ATOH8: variants seen among roughly 807,000 people sequenced by gnomAD.
The protein encoded by ATOH8 is atonal bHLH transcription factor 8.
In ATOH8, 9 loss-of-function variants were observed where a neutral mutation model predicts 21.2. That is an observed-to-expected ratio of 0.42 (90% CI 0.26 to 0.74). The LOEUF is 0.74. Among genes scored for constraint, ATOH8 ranks in the 30% least tolerant of loss-of-function variants. The pLI, the probability that ATOH8 is intolerant of heterozygous loss-of-function variation, is 0.24. For missense variants in ATOH8, 524 were observed against 470.9 expected (o/e 1.11, Z -1.04); for synonymous variants, 253 against 224.0 (o/e 1.13, Z -1.16).
intron 1 of ATOH8, among the ~76,000 whole-genome samples, chr2:85,759,426 C>T (rs1419005391): frequency 2.0e-5 from 3 of 152,014 alleles, no homozygotes; most frequent in African/African-American, 7.3e-5. Context: ...GTGGGATGTC[C>T]GTAGTGCTGT....
intron 1 of ATOH8, among the ~76,000 whole-genome samples, chr2:85,756,727 T>C (rs1283181536): frequency 6.6e-6 from 1 of 152,192 alleles, no homozygotes; most frequent in African/African-American, 2.4e-5. Flanking sequence ...GAAGGAGACT[T>C]GTCCAAGGTC....
In ATOH8 at chr2:85,754,070, G is replaced by T; in HGVS notation, c.-120G>T. The T allele has an allele frequency of 8.1e-7, 1 of 1,233,706 alleles. No homozygotes were observed. The highest frequency in any genetic ancestry group is 1.1e-6 in the Non-Finnish European group (1 of 946,060). The allele number at this position is 1,233,706 out of a possible 1,614,324, so 76.4% of individuals were successfully genotyped here. On this transcript the variant is annotated 5_prime_UTR_variant, in exon 1 of 3. Transcript: ENST00000306279. The stretch of plus-strand genomic sequence containing the variant: ...GCGGCGCAGCTGCCCGGGGCGAGGG[G>T]GAGAAAGGGAGAGAGGGAGGGGGAG...
chr2:85,764,708 C>T (rs1454603715), intron 2 of ATOH8, among the ~76,000 whole-genome samples: 1 of 152,132 alleles, frequency 6.6e-6, no homozygotes, highest in Non-Finnish European at 1.5e-5. Context: ...GCATACTGGG[C>T]AGGGGTATAA....
At chr2:85,776,645 A>T (rs1172779285) in intron 2 of ATOH8, among the ~76,000 whole-genome samples, 1 of 152,192 alleles carries the variant, frequency 6.6e-6, no homozygotes, top group Non-Finnish European at 1.5e-5. Flanking sequence ...CCGATTTCCC[A>T]TGCACATGGG....
rs779506133 is a variant in ATOH8, at chr2:85,754,628, G to A, written c.439G>A (p.Glu147Lys). The part of the protein sequence containing the change: ...PGGPEAQPFR[E>K]PGLRPRILLC... ...GGGCCCAGAGGCACAGCCTTTCCGG[G>A]AGCCGGGTCTGCGTCCTCGCATCTT... is the stretch of plus-strand genomic sequence containing the variant. Residue 147 changes from glutamate (E) to lysine (K), a missense_variant, in exon 1 of 3, where the codon GAG (glutamate) becomes AAG (lysine). Physicochemically the swap from Glu to Lys is moderately conservative, Grantham distance 56. Transcript: ENST00000306279. 1.3e-5 allele frequency: 20 copies of A among 1,508,588 alleles called. No homozygotes were observed. Among genetic ancestry groups the A allele is most frequent in the Non-Finnish European group, 1.7e-5 (19 of 1,134,016 alleles). The allele number at this position is 1,508,588 out of a possible 1,614,324, so 93.5% of individuals were successfully genotyped here.
At chr2:85,782,975 C>T (rs2001593) in intron 2 of ATOH8, among the ~76,000 whole-genome samples, 26,117 of 152,164 alleles carry the variant, frequency 0.17, 3,143 homozygotes, top group African/African-American at 0.34. Context: ...GGATTACAGG[C>T]GTGACGCCTG....
intron 2 of ATOH8, among the ~76,000 whole-genome samples, chr2:85,768,515 G>A (rs989475914): frequency 1.3e-5 from 2 of 152,200 alleles, no homozygotes; most frequent in African/African-American, 2.4e-5. Context: ...GTCATCGCTG[G>A]TGTGATTGGC....
In ATOH8 at chr2:85,754,446, C is replaced by T. The variant is rs1257813261; in HGVS notation, c.257C>T (p.Pro86Leu). 1.3e-6 allele frequency: 2 copies of T among 1,512,912 alleles called. No individual in the cohort carries two copies. The highest frequency in any genetic ancestry group is 1.8e-6 in the Non-Finnish European group (2 of 1,138,538). The allele number at this position is 1,512,912 out of a possible 1,614,324, so 93.7% of individuals were successfully genotyped here. A position where few individuals can be genotyped will look rare whatever the true frequency, so the allele number is the denominator to read the frequency against. ...GTCCCAGTGGCGCCGGCCGTTCCCCCAAGAGGGGGCACGGACACAGCCGGG... is the reference window on the plus strand; with the variant it reads ...GTCCCAGTGGCGCCGGCCGTTCCCCTAAGAGGGGGCACGGACACAGCCGGG... ...VPVPVAPAVPPRGGTDTAGER... is the reference protein window; with the variant it reads ...VPVPVAPAVPLRGGTDTAGER... Residue 86 changes from proline to leucine, a missense_variant, in exon 1 of 3, where the codon CCA becomes CTA. By Grantham distance (98) the Pro-to-Leu change is moderately conservative. Coordinates refer to ENST00000306279, the MANE Select transcript of ATOH8 (RefSeq NM_032827.7).
chr2:85,781,094 G>A (rs991281120), intron 2 of ATOH8: 21 of 987,844 alleles, frequency 2.1e-5, no homozygotes, highest in Non-Finnish European at 2.5e-5. Flanking sequence ...AGGCTTGAGT[G>A]TTAAAGAAAA....
At position 85,754,098 on chromosome 2, in the gene ATOH8, C is replaced by A. The variant is rs1426414104; in HGVS notation, c.-92C>A. 12 of 1,308,252 alleles carry A rather than the reference C, an allele frequency of 9.2e-6. No homozygotes were observed. The Middle Eastern group carries it at 8.3e-4, about 91-fold the overall frequency. The allele number at this position is 1,308,252 out of a possible 1,614,324, so 81.0% of individuals were successfully genotyped here. The stretch of plus-strand genomic sequence containing the variant: ...GAAAGGGAGAGAGGGAGGGGGAGGG[C>A]GGGCGAAGCGGGAGAGCCAGAGACT... On this transcript the variant is annotated 5_prime_UTR_variant, in exon 1 of 3. Transcript: ENST00000306279.
Position 85,790,279 on chromosome 2 carries a change from T to A in ATOH8, c.*3389T>A, listed in dbSNP as rs923789956. Among the ~76,000 whole-genome samples, 5 of 152,216 alleles carry A rather than the reference T, an allele frequency of 3.3e-5. No homozygotes were observed. Among genetic ancestry groups the A allele is most frequent in the Admixed American group, 3.3e-4 (5 of 15,282 alleles). On this transcript the variant is annotated 3_prime_UTR_variant, in exon 3 of 3. Transcript: ENST00000306279. ...TCTCCAGGGACCCGCAAGATCTTCCTGGGTATGTCTGCATGAAGCCCCACG... is the reference window on the plus strand; with the variant it reads ...TCTCCAGGGACCCGCAAGATCTTCCAGGGTATGTCTGCATGAAGCCCCACG...
intron 2 of ATOH8, among the ~76,000 whole-genome samples, chr2:85,768,785 C>G (rs1680097087): frequency 6.6e-6 from 1 of 152,204 alleles, no homozygotes; most frequent in Admixed American, 6.5e-5. Context: ...GGGGAACCTG[C>G]ATTCCTTGGC....
intron 2 of ATOH8, chr2:85,774,536 C>G (rs915822861): frequency 3.6e-5 from 35 of 985,392 alleles, no homozygotes; most frequent in Non-Finnish European, 4.2e-5. Flanking sequence ...CCTTTAACAT[C>G]TTGCCACCTC....
In ATOH8 at chr2:85,766,398, T is replaced by A. The variant is rs118047942; in HGVS notation, c.960+2216T>A. On this transcript the variant is annotated intron_variant, in intron 2 of 2. Coordinates refer to ENST00000306279, the MANE Select transcript of ATOH8 (RefSeq NM_032827.7). This position sits in a 1 kb window ranked among gnomAD's most constrained non-coding sequence, Gnocchi z 4.0. ...CCTCCTGCCCTCAGTCTTTCCCAGCTGGGTGAGGAGGTCACCCAGCTGGGA... is the reference window on the plus strand; with the variant it reads ...CCTCCTGCCCTCAGTCTTTCCCAGCAGGGTGAGGAGGTCACCCAGCTGGGA... 9.5e-3 allele frequency among the ~76,000 whole-genome samples: 1,448 copies of A among 152,054 alleles called. 163 individuals carry two copies. In the East Asian group the frequency reaches 0.24, roughly 25 times the overall value.
intron 2 of ATOH8, chr2:85,774,160 G>T (rs190621599): frequency 2.0e-6 from 2 of 985,458 alleles, no homozygotes; most frequent in Non-Finnish European, 1.2e-6. Flanking sequence ...GTTGGTCTTC[G>T]TGGGGCCAAA....
intron 2 of ATOH8, chr2:85,772,892 G>A (rs893433323): frequency 4.5e-6 from 2 of 448,232 alleles, no homozygotes; most frequent in Admixed American, 4.9e-5. Context: ...CTGCGAGCCC[G>A]AAGGCCACCT....
intron 2 of ATOH8, among the ~76,000 whole-genome samples, chr2:85,765,181 A>G (rs754156171): frequency 1.3e-5 from 2 of 152,176 alleles, no homozygotes; most frequent in Non-Finnish European, 2.9e-5. Flanking sequence ...CTGTGAGGCA[A>G]GAGGCCTGTC....
intron 2 of ATOH8, among the ~76,000 whole-genome samples, chr2:85,767,861 C>G (rs975388410): frequency 6.6e-6 from 1 of 152,192 alleles, no homozygotes; most frequent in African/African-American, 2.4e-5. Flanking sequence ...CAGAGTCCTG[C>G]AGGGGCACAG....
At chr2:85,779,544 C>T (rs1361270868) in intron 2 of ATOH8, among the ~76,000 whole-genome samples, 1 of 152,318 alleles carries the variant, frequency 6.6e-6, no homozygotes, top group East Asian at 1.9e-4. Context: ...TGCCAGCCAC[C>T]TTCCCTTAGG....
Sources: allele counts gnomAD v4.1 joint callset (sites outside exome capture counted in the v4.1 genomes callset), GRCh38; gene constraint gnomAD v4.1.1; non-coding constraint Gnocchi (gnomAD v3.1); transcripts MANE v1.5; gene names NCBI Gene and HGNC (gene_info 2026-07-23, HGNC 2026-07-21).